The following USP11 variants were observed in gnomAD, a reference collection of about 807,000 sequenced individuals.
USP11 encodes ubiquitin specific peptidase 11, also known as ubiquitin carboxyl-terminal hydrolase 11.
USP11 carries 5 observed loss-of-function variants against 72.8 expected under a neutral mutation model. That is an observed-to-expected ratio of 0.07 (90% CI 0.04 to 0.14). USP11 has a LOEUF of 0.14. Among genes scored for constraint, USP11 ranks in the 10% least tolerant of loss-of-function variants. USP11 has a pLI of 1.00. For synonymous variants in USP11, 368 were observed against 326.5 expected (o/e 1.13, Z -1.37); for missense variants, 480 against 794.7 (o/e 0.60, Z 4.76).
At chrX:47,237,786 ATGTGTGTGTGTGTGTGTGTGTGTG>A (rs763902030) in intron 1 of USP11, among the ~76,000 whole-genome samples, 2 of 38,352 alleles carry the variant, frequency 5.2e-5, no homozygotes, top group African/African-American at 1.0e-4. Flanking sequence ...GTGTGTGTGT[ATGTGTGTGTGTGTGTGTGTGTGTG>A]TGTGTGTGTG....
At position 47,248,253 on chromosome X, in the gene USP11, CAG is replaced by C. The variant is rs1330527791; in HGVS notation, c.*326_*327del. On this transcript the variant is annotated 3_prime_UTR_variant, in exon 21 of 21. Transcript: ENST00000377107. ...GTGGTGATGGGGGTTCACCTGAACA[CAG>C]AGTGTATTTTCTTATTGAGGCCCTG... The C allele has an allele frequency of 3.8e-6, 1 of 262,799 alleles. No homozygotes were observed. The highest frequency in any genetic ancestry group is 6.7e-6 in the Non-Finnish European group (1 of 150,311). The allele number at this position is 262,799 out of a possible 1,213,427, so 21.7% of individuals were successfully genotyped here.
intron 1 of USP11, chrX:47,233,428 T>C: frequency 9.4e-7 from 1 of 1,068,933 alleles, no homozygotes. Context: ...TGTGGTGCAG[T>C]CTGACGCCTG....
intron 2 of USP11, 71 bp from the exon 3 acceptor site, chrX:47,239,280 G>T (rs188629412): frequency 8.5e-7 from 1 of 1,182,749 alleles, no homozygotes; most frequent in African/African-American, 1.7e-5. Context: ...GGTCACTGGT[G>T]GGGTGGCCAG....
chrX:47,245,283 G>A, intron 16 of USP11, 87 bp from the exon 17 acceptor site: 1 of 961,519 alleles, frequency 1.0e-6, no homozygotes, highest in Non-Finnish European at 1.5e-6. Flanking sequence ...CCCACTCAGT[G>A]TGTGTCTCCC....
chrX:47,238,484 G>C (rs948410539), intron 1 of USP11, among the ~76,000 whole-genome samples: 1 of 64,826 alleles, frequency 1.5e-5, no homozygotes, highest in East Asian at 5.0e-4. Flanking sequence ...CACTGTGCCC[G>C]GTCTTTTTTT....
rs1338408215 is a variant in USP11, at chrX:47,239,076, T to C, written c.183T>C (p.Leu61=). The C allele has an allele frequency of 5.0e-6, 6 of 1,207,054 alleles. No homozygotes were observed. Among genetic ancestry groups the C allele is most frequent in the Non-Finnish European group, 6.7e-6 (6 of 893,641 alleles). ...TTACCTGTCTGGGCCCCAGGTTCCT[T>C]GTGGAGAAGCACTGGTATAAGCAGT... is the stretch of plus-strand genomic sequence containing the variant. ...RPLRAGESWF[L]VEKHWYKQWE... The change falls in exon 2 of 21, where the codon CTT becomes CTC. Residue 61 remains leucine (L), a synonymous_variant. Transcript: ENST00000377107.
chrX:47,237,786 ATGTG>A (rs763902030), intron 1 of USP11, among the ~76,000 whole-genome samples: 2,136 of 38,299 alleles, frequency 0.056, 51 homozygotes, highest in African/African-American at 0.085. Flanking sequence ...GTGTGTGTGT[ATGTG>A]TGTGTGTGTG....
rs371968073 is a variant in USP11 at position 47,240,883 on chromosome X, C to T, written c.846+7C>T. On this transcript the variant is annotated splice_region_variant and intron_variant, in intron 7 of 20. Coordinates refer to ENST00000377107, the MANE Select transcript of USP11 (RefSeq NM_001371072.1). ...CATGAACTCGGCCCTGCAGGTTGGG[C>T]CATTATAGTTGTGTCTGGCACAGCC... The T allele has an allele frequency of 3.3e-6, 4 of 1,203,461 alleles. No individual in the cohort carries two copies. The highest frequency in any genetic ancestry group is 6.0e-5 in the East Asian group (2 of 33,484).
chrX:47,243,838 T>C (rs2055417013), intron 13 of USP11, among the ~76,000 whole-genome samples: 1 of 111,950 alleles, frequency 8.9e-6, no homozygotes, highest in African/African-American at 3.3e-5. Flanking sequence ...AACTTCATCT[T>C]GTCTTCAGTT....
chrX:47,248,200 TCTCCTCAGCC>T lies in USP11; in HGVS notation c.*272_*281del. On this transcript the variant is annotated 3_prime_UTR_variant, in exon 21 of 21. Transcript: ENST00000377107. The stretch of plus-strand genomic sequence containing the variant: ...CTTTATTTATGGTCGTGCCCTTCCC[TCTCCTCAGCC>T]CAGAGTGTTCTGCGTGGGTGGTGAT... 2.8e-6 allele frequency: 1 copy of T among 357,872 alleles called. No homozygotes were observed. The allele number at this position is 357,872 out of a possible 1,213,427, so 29.5% of individuals were successfully genotyped here. A position where few individuals can be genotyped will look rare whatever the true frequency, so the allele number is the denominator to read the frequency against.
At position 47,240,316 on chromosome X, in the gene USP11, C is replaced by T. The variant is rs756435652; in HGVS notation, c.547C>T (p.Arg183Cys). 10 of 1,209,084 alleles carry T rather than the reference C, an allele frequency of 8.3e-6. No individual in the cohort carries two copies. The highest frequency in any genetic ancestry group is 4.4e-5 in the Admixed American group (2 of 45,698). ...ATCACCCCGCACAGGCCTAGTATTG[C>T]GCACAGCTCGGGAGCGGTTTCTGGT... ...SHTDSIGLVLRTARERFLVEP... is the reference protein window; with the variant it reads ...SHTDSIGLVLCTARERFLVEP... The change falls in exon 5 of 21, where the codon CGC (arginine) becomes TGC (cysteine). Residue 183 changes from arginine to cysteine, a missense_variant. Arg to Cys is a radical substitution (Grantham distance 180). Coordinates refer to ENST00000377107, the MANE Select transcript of USP11 (RefSeq NM_001371072.1).
chrX:47,234,739 A>G (rs2055363720), intron 1 of USP11, among the ~76,000 whole-genome samples: 1 of 111,995 alleles, frequency 8.9e-6, no homozygotes. Flanking sequence ...AAGATTTTAC[A>G]TGTTCTACCA....
intron 13 of USP11, 79 bp from the exon 14 acceptor site, chrX:47,244,419 C>T (rs2055420864): frequency 1.8e-6 from 2 of 1,104,376 alleles, no homozygotes; most frequent in Admixed American, 2.5e-5. Context: ...AATGGCTTCC[C>T]ATTATCTTAA....
chrX:47,239,967 C>A, intron 4 of USP11, 60 bp downstream of exon 4: 1 of 1,083,899 alleles, frequency 9.2e-7, no homozygotes, highest in Non-Finnish European at 1.3e-6. Context: ...AACTCAGTGA[C>A]TTGAGGTTGC....
intron 1 of USP11, among the ~76,000 whole-genome samples, chrX:47,238,794 A>G (rs1412515903): frequency 9.0e-6 from 1 of 111,623 alleles, no homozygotes; most frequent in East Asian, 2.8e-4. Flanking sequence ...CATGTTTCCT[A>G]GCACTATAAG....
At chrX:47,245,960 GT>G (rs1465132689) in intron 17 of USP11, among the ~76,000 whole-genome samples, 58 of 111,543 alleles carry the variant, frequency 5.2e-4, no homozygotes, top group African/African-American at 1.8e-3. Flanking sequence ...GGCCTGTGCT[GT>G]TCCTTCTCCA....
chrX:47,244,097 CTTTTT>C (rs200759841), intron 13 of USP11, among the ~76,000 whole-genome samples: 5 of 92,268 alleles, frequency 5.4e-5, no homozygotes, highest in African/African-American at 1.7e-4. Flanking sequence ...CGCTCCATAC[CTTTTT>C]TTTTTTTTTT....
intron 1 of USP11, among the ~76,000 whole-genome samples, chrX:47,237,787 TGTGTGTGTG>T (rs1301022465): frequency 7.8e-5 from 1 of 12,812 alleles, no homozygotes; most frequent in African/African-American, 2.6e-4. Context: ...TGTGTGTGTA[TGTGTGTGTG>T]TGTGTGTGTG....
chrX:47,241,588 T>C lies in USP11; in HGVS notation c.1068T>C (p.His356=). 8.3e-7 allele frequency: 1 copy of C among 1,207,849 alleles called. No individual in the cohort carries two copies. Among genetic ancestry groups the C allele is most frequent in the East Asian group, 3.0e-5 (1 of 33,814 alleles). ...FASQFLGYQQ[H]DSQELLSFLL... Reference sequence around the variant, plus strand: ...CCCAATTTCTGGGCTACCAGCAGCATGACTCTCAGGAGCTGCTGTCATTCC... The same window carrying C: ...CCCAATTTCTGGGCTACCAGCAGCACGACTCTCAGGAGCTGCTGTCATTCC... Residue 356 remains histidine, a synonymous_variant, in exon 9 of 21, where the codon CAT becomes CAC. Transcript: ENST00000377107.
Sources: allele counts gnomAD v4.1 joint callset (sites outside exome capture counted in the v4.1 genomes callset), GRCh38; gene constraint gnomAD v4.1.1; transcripts MANE v1.5; gene names NCBI Gene and HGNC (gene_info 2026-07-23, HGNC 2026-07-21).